Variants in S100PBP observed in about 807,000 individuals in gnomAD.
The protein encoded by S100PBP is S100P-binding protein.
Under a neutral mutation model 39.9 loss-of-function variants are expected in S100PBP, and 15 were observed. That is an observed-to-expected ratio of 0.38 (90% CI 0.25 to 0.58). S100PBP has a LOEUF of 0.58. S100PBP is among the 20% of genes least tolerant of loss of function. The pLI is 0.70. For synonymous variants in S100PBP, 178 were observed against 180.3 expected (o/e 0.99, Z 0.10); for missense variants, 504 against 487.3 (o/e 1.03, Z -0.32).
chr1:32,817,059 G>T, upstream of S100PBP: 1 of 1,194,670 alleles, frequency 8.4e-7, no homozygotes, highest in Non-Finnish European at 1.2e-6. Context: ...GAGATCTACA[G>T]GCTCTCTCAG....
At chr1:32,841,729 C>CA (rs56267418) in intron 5 of S100PBP, among the ~76,000 whole-genome samples, 1,437 of 53,092 alleles carry the variant, frequency 0.027, 14 homozygotes, top group Middle Eastern at 0.039. Context: ...AACTCTGTCT[C>CA]AAAAAAAAAA....
intron 5 of S100PBP, among the ~76,000 whole-genome samples, chr1:32,844,294 G>T (rs1417382523): frequency 6.6e-6 from 1 of 152,130 alleles, no homozygotes; most frequent in Non-Finnish European, 1.5e-5. Context: ...TCAAGTATCT[G>T]CCTGCCTCTG....
chr1:32,829,878 C>A, intron 4 of S100PBP, 86 bp from the exon 5 acceptor site: 1 of 861,116 alleles, frequency 1.2e-6, no homozygotes, highest in Non-Finnish European at 1.9e-6. Flanking sequence ...TCTAATCAAT[C>A]AGCAGTATAT....
intron 4 of S100PBP, among the ~76,000 whole-genome samples, chr1:32,829,223 G>T (rs1639478768): frequency 6.6e-6 from 1 of 152,140 alleles, no homozygotes; most frequent in Admixed American, 6.5e-5. Flanking sequence ...AGTACAGTCA[G>T]TCAGTATGAG....
chr1:32,821,528 G>A (rs1355745888), intron 1 of S100PBP, among the ~76,000 whole-genome samples: 1 of 151,884 alleles, frequency 6.6e-6, no homozygotes, highest in African/African-American at 2.4e-5. Flanking sequence ...CACCAGGTTG[G>A]TCCAGATGGT....
chr1:32,823,553 A>G (rs1034909178), intron 1 of S100PBP, among the ~76,000 whole-genome samples: 3 of 152,214 alleles, frequency 2.0e-5, no homozygotes, highest in South Asian at 2.1e-4. Flanking sequence ...TAGAGTCGTA[A>G]AATGTGTCTC....
Position 32,857,770 on chromosome 1 carries a change from G to A in S100PBP, c.*1732G>A, listed in dbSNP as rs1374595523. ...AATCCCATCTTTCTGTGTGAGTAATGCATTCTAAACATCCTACCCCACTTT... is the reference window on the plus strand; with the variant it reads ...AATCCCATCTTTCTGTGTGAGTAATACATTCTAAACATCCTACCCCACTTT... On this transcript the variant is annotated 3_prime_UTR_variant, in exon 7 of 7. Coordinates refer to ENST00000373475, the MANE Select transcript of S100PBP (RefSeq NM_022753.4). 1 of 152,202 alleles carries A rather than the reference G, an allele frequency of 6.6e-6. No homozygotes were observed. The highest frequency in any genetic ancestry group is 2.4e-5 in the African/African-American group (1 of 41,450). The allele number at this position is 152,202 out of a possible 1,614,324, so 9.4% of individuals were successfully genotyped here.
intron 5 of S100PBP, chr1:32,852,616 C>T (rs548834788): frequency 6.5e-6 from 1 of 152,890 alleles, no homozygotes; most frequent in South Asian, 2.1e-4. Context: ...CCTCCTACCC[C>T]TCTTTACCTC....
upstream of S100PBP, chr1:32,817,347 G>A (rs1569797406): frequency 6.7e-7 from 1 of 1,485,436 alleles, no homozygotes; most frequent in East Asian, 2.3e-5. Flanking sequence ...GTCCAGCCAG[G>A]TTGCATCAGC....
chr1:32,834,971 C>T (rs1261349086), intron 5 of S100PBP: 1 of 151,890 alleles, frequency 6.6e-6, no homozygotes, highest in African/African-American at 2.4e-5. Flanking sequence ...TGAAACCTGT[C>T]TCTACTAAAA....
intron 5 of S100PBP, among the ~76,000 whole-genome samples, chr1:32,851,759 C>T (rs2148694858): frequency 6.6e-6 from 1 of 152,260 alleles, no homozygotes; most frequent in South Asian, 2.1e-4. Flanking sequence ...TGCAAATTCT[C>T]AGGCCCTACC....
At chr1:32,847,966 C>T (rs964745784) in intron 5 of S100PBP, among the ~76,000 whole-genome samples, 1 of 152,056 alleles carries the variant, frequency 6.6e-6, no homozygotes. Flanking sequence ...CACCAGGTCT[C>T]GTAGTGAAAA....
At chr1:32,840,889 G>A (rs750249766) in intron 5 of S100PBP, among the ~76,000 whole-genome samples, 13 of 151,744 alleles carry the variant, frequency 8.6e-5, no homozygotes, top group Non-Finnish European at 1.6e-4. Context: ...GGCCAGGCGC[G>A]GTGGCTCAAG....
intron 5 of S100PBP, among the ~76,000 whole-genome samples, chr1:32,842,254 C>T (rs1311008552): frequency 7.0e-6 from 1 of 142,426 alleles, no homozygotes; most frequent in Non-Finnish European, 1.5e-5. Context: ...CACACACACA[C>T]ACACACACAC....
At chr1:32,817,269 G>A (rs755810605), upstream of S100PBP, 44 of 1,613,288 alleles carry the variant, frequency 2.7e-5, no homozygotes, top group Non-Finnish European at 3.6e-5. Context: ...TGCTTCCCCC[G>A]CTCAGCCCGG....
chr1:32,818,813 G>C (rs535288289), intron 1 of S100PBP: 18 of 152,316 alleles, frequency 1.2e-4, no homozygotes, highest in African/African-American at 4.3e-4. Context: ...TTTATGGAGT[G>C]ATAAAGCCTG....
At chr1:32,854,987 A>G (rs1383428478) in intron 6 of S100PBP, among the ~76,000 whole-genome samples, 2 of 152,184 alleles carry the variant, frequency 1.3e-5, no homozygotes, top group African/African-American at 4.8e-5. Context: ...TTCCTTACCT[A>G]TACAAGGACT....
At chr1:32,833,958 G>A (rs897587010) in intron 5 of S100PBP, 2 of 211,052 alleles carry the variant, frequency 9.5e-6, no homozygotes, top group South Asian at 6.9e-5. Context: ...AAATTAGATT[G>A]TGTCCATTTT....
At chr1:32,847,269 C>T (rs963970363) in intron 5 of S100PBP, 2 of 152,166 alleles carry the variant, frequency 1.3e-5, no homozygotes, top group Non-Finnish European at 2.9e-5. Context: ...CTGATGAAGT[C>T]TCTCTGCTTT....
Sources: allele counts gnomAD v4.1 joint callset (sites outside exome capture counted in the v4.1 genomes callset), GRCh38; gene constraint gnomAD v4.1.1; transcripts MANE v1.5; gene names NCBI Gene and HGNC (gene_info 2026-07-23, HGNC 2026-07-21).